ABTB3: variants seen among roughly 807,000 people sequenced by gnomAD.
ABTB3 encodes ankyrin repeat- and BTB/POZ domain-containing protein 3.
At chr12:107,592,721 G>T in the ABTB3 span, among the ~76,000 whole-genome samples, 1 of 152,182 alleles carries the variant, frequency 6.6e-6, no homozygotes, top group Admixed American at 6.5e-5. Context: ...GTAGTAAAAA[G>T]AATAAAGCAT....
At chr12:107,529,269 ATGATGGTGATGG>A in the ABTB3 span, among the ~76,000 whole-genome samples, 1 of 146,492 alleles carries the variant, frequency 6.8e-6, no homozygotes, top group Non-Finnish European at 1.5e-5. Context: ...CATGTTGATG[ATGATGGTGATGG>A]TGATGATGAT....
At chr12:107,620,074 G>A in the ABTB3 span, 6 of 1,614,198 alleles carry the variant, frequency 3.7e-6, no homozygotes, top group African/African-American at 1.3e-5. Flanking sequence ...GCTTGTTAAA[G>A]GAGTTTAAGA....
chr12:107,527,085 C>T, the ABTB3 span, among the ~76,000 whole-genome samples: 5 of 152,128 alleles, frequency 3.3e-5, no homozygotes, highest in African/African-American at 9.7e-5. Flanking sequence ...TCTAAAATGT[C>T]ACCTCCTCAG....
the ABTB3 span, among the ~76,000 whole-genome samples, chr12:107,654,345 C>G: frequency 6.6e-6 from 1 of 152,192 alleles, no homozygotes; most frequent in Non-Finnish European, 1.5e-5. Context: ...GTTACCCAGG[C>G]TGGAGTGCAG....
the ABTB3 span, among the ~76,000 whole-genome samples, chr12:107,461,456 C>T: frequency 6.6e-6 from 1 of 151,878 alleles, no homozygotes; most frequent in African/African-American, 2.4e-5. Context: ...TTTCTGGGAG[C>T]CTCCAGAAGC....
chr12:107,568,071 G>A, the ABTB3 span, among the ~76,000 whole-genome samples: 1 of 152,154 alleles, frequency 6.6e-6, no homozygotes, highest in Non-Finnish European at 1.5e-5. Flanking sequence ...TTAGTGTTCA[G>A]TGACTCAATG....
At chr12:107,582,653 G>T in the ABTB3 span, among the ~76,000 whole-genome samples, 5 of 152,188 alleles carry the variant, frequency 3.3e-5, no homozygotes, top group African/African-American at 1.2e-4. Flanking sequence ...TCATGAGGTT[G>T]GCATAATCTT....
the ABTB3 span, among the ~76,000 whole-genome samples, chr12:107,418,838 C>T: frequency 6.6e-6 from 1 of 152,198 alleles, no homozygotes; most frequent in Non-Finnish European, 1.5e-5. Context: ...GTAAGACTTG[C>T]TTTAAAATCT....
At chr12:107,436,465 G>A in the ABTB3 span, among the ~76,000 whole-genome samples, 1 of 152,236 alleles carries the variant, frequency 6.6e-6, no homozygotes. Flanking sequence ...GGTCAAAGGA[G>A]GATTTGGAGC....
the ABTB3 span, among the ~76,000 whole-genome samples, chr12:107,571,734 T>C: frequency 6.6e-6 from 1 of 152,206 alleles, no homozygotes; most frequent in Non-Finnish European, 1.5e-5. Context: ...TCCAACCCCA[T>C]TTGAGATCAG....
the ABTB3 span, among the ~76,000 whole-genome samples, chr12:107,386,726 A>G: frequency 2.0e-5 from 3 of 152,076 alleles, no homozygotes; most frequent in African/African-American, 7.2e-5. Flanking sequence ...GGTGTCCCTG[A>G]GCGGCTGGCT....
the ABTB3 span, among the ~76,000 whole-genome samples, chr12:107,484,566 G>A: frequency 6.6e-6 from 1 of 150,894 alleles, no homozygotes; most frequent in Non-Finnish European, 1.5e-5. Context: ...GGGCATTGGA[G>A]TGTTTTGAGC....
chr12:107,455,328 G>A, the ABTB3 span, among the ~76,000 whole-genome samples: 1 of 152,140 alleles, frequency 6.6e-6, no homozygotes, highest in Admixed American at 6.5e-5. Context: ...GGGGGTTCAG[G>A]TCCATGGTTC....
chr12:107,407,524 AGAAGTG>A, the ABTB3 span, among the ~76,000 whole-genome samples: 2 of 152,232 alleles, frequency 1.3e-5, no homozygotes, highest in African/African-American at 4.8e-5. Flanking sequence ...ATGGCGCTGC[AGAAGTG>A]CAAGACGGTG....
At chr12:107,442,067 A>G in the ABTB3 span, among the ~76,000 whole-genome samples, 1,490 of 151,988 alleles carry the variant, frequency 9.8e-3, 26 homozygotes, top group African/African-American at 0.034. Context: ...CAGCCCTGGA[A>G]TCAATGTTTT....
chr12:107,459,996 C>T, the ABTB3 span, among the ~76,000 whole-genome samples: 2 of 152,218 alleles, frequency 1.3e-5, no homozygotes, highest in Admixed American at 1.3e-4. Context: ...GAAGCAGGAA[C>T]CTGGGAAAAC....
chr12:107,463,794 A>G, the ABTB3 span, among the ~76,000 whole-genome samples: 1 of 152,122 alleles, frequency 6.6e-6, no homozygotes, highest in Admixed American at 6.5e-5. Context: ...TTCTGCAGAT[A>G]AACAACTTTG....
chr12:107,349,326 G>A, the ABTB3 span, among the ~76,000 whole-genome samples: 6 of 152,274 alleles, frequency 3.9e-5, no homozygotes, highest in South Asian at 4.1e-4. Context: ...AATGTGGGGC[G>A]GCATCATCAC....
the ABTB3 span, among the ~76,000 whole-genome samples, chr12:107,567,640 GA>G: frequency 6.6e-6 from 1 of 152,146 alleles, no homozygotes; most frequent in Non-Finnish European, 1.5e-5. Flanking sequence ...GGCCTGTTAG[GA>G]ACCAGGCCGC....
Sources: gnomAD v4.1 joint callset for allele counts (sites outside exome capture counted in the v4.1 genomes callset) on GRCh38, gnomAD v4.1.1 for gene constraint, MANE v1.5 for transcripts, NCBI Gene and HGNC (gene_info 2026-07-23, HGNC 2026-07-21) for gene names.